RHOT1: variants seen among roughly 807,000 people sequenced by gnomAD.
The protein encoded by RHOT1 is ras homolog family member T1.
RHOT1 carries 27 observed loss-of-function variants against 95.3 expected under a neutral mutation model. The observed-to-expected ratio is 0.28, with a 90% CI of 0.21 to 0.39. RHOT1 has a LOEUF of 0.39. RHOT1 is among the 10% of genes least tolerant of loss of function. The pLI is 1.00. For missense variants in RHOT1, 578 were observed against 786.7 expected (o/e 0.73, Z 3.17); for synonymous variants, 227 against 263.5 (o/e 0.86, Z 1.34).
At chr17:32,145,002 A>G (rs1479682747) in intron 1 of RHOT1, among the ~76,000 whole-genome samples, 2 of 148,072 alleles carry the variant, frequency 1.4e-5, no homozygotes, top group African/African-American at 5.0e-5. Context: ...TAAAGAAAAA[A>G]TTAATTTTTA....
intron 1 of RHOT1, among the ~76,000 whole-genome samples, chr17:32,149,339 A>G (rs1236803441): frequency 1.3e-5 from 2 of 151,282 alleles, no homozygotes; most frequent in East Asian, 1.9e-4. Context: ...GTGTAATTTA[A>G]GAAGAGCTTG....
chr17:32,224,562 T>C (rs1049910665), intron 19 of RHOT1, 54 bp from the exon 20 acceptor site: 1 of 1,256,230 alleles, frequency 8.0e-7, no homozygotes. Flanking sequence ...ATAACTGGTA[T>C]AGGGTTTTCA....
chr17:32,160,139 C>G (rs1469909841), intron 1 of RHOT1: 2 of 152,044 alleles, frequency 1.3e-5, no homozygotes, highest in African/African-American at 4.8e-5. Flanking sequence ...AGAGGAGCTA[C>G]CCTCTCTCCT....
At chr17:32,185,710 T>C (rs1484017386) in intron 8 of RHOT1, among the ~76,000 whole-genome samples, 1 of 110,178 alleles carries the variant, frequency 9.1e-6, no homozygotes, top group Non-Finnish European at 1.7e-5. Context: ...GCCCGGCCTC[T>C]TTTTTTTTTT....
At chr17:32,192,664 CT>C (rs992979598) in intron 9 of RHOT1, among the ~76,000 whole-genome samples, 291 of 129,160 alleles carry the variant, frequency 2.3e-3, no homozygotes, top group Middle Eastern at 8.7e-3. Context: ...ACATGTTTTA[CT>C]TTTTTTTTTT....
intron 1 of RHOT1, among the ~76,000 whole-genome samples, chr17:32,168,182 A>C (rs1191020089): frequency 6.6e-6 from 1 of 152,132 alleles, no homozygotes; most frequent in Non-Finnish European, 1.5e-5. Context: ...AAGAGCTCAG[A>C]TGGAGACGTA....
rs543672797 is a variant in RHOT1, at chr17:32,194,197, C to G, written c.869+90C>G. On this transcript the variant is annotated intron_variant, in intron 11 of 19. Coordinates refer to ENST00000545287, the MANE Select transcript of RHOT1 (RefSeq NM_001033566.3). ...ATGTTTCCCAGGCTGGTCTTGAACT[C>G]CTGAGTCAAGTGATCCTCCCACCTT... The G allele has an allele frequency of 2.2e-6, 3 of 1,371,228 alleles. No homozygotes were observed. In the South Asian group the frequency reaches 3.9e-5, roughly 18 times the overall value. 84.9% of individuals were successfully genotyped at this position (1,371,228 alleles called of 1,614,324 possible).
At chr17:32,149,992 C>G (rs1263339709) in intron 1 of RHOT1, among the ~76,000 whole-genome samples, 1 of 152,078 alleles carries the variant, frequency 6.6e-6, no homozygotes, top group African/African-American at 2.4e-5. Flanking sequence ...CTCAATTGAT[C>G]CACGTGCCTC....
chr17:32,175,408 GTGA>G, intron 4 of RHOT1, 46 bp downstream of exon 4: 1 of 1,521,758 alleles, frequency 6.6e-7, no homozygotes. Flanking sequence ...TAGAAAAACA[GTGA>G]TGATTTTATG....
chr17:32,190,365 G>GTTC (rs2036397489), intron 8 of RHOT1, among the ~76,000 whole-genome samples: 1 of 152,012 alleles, frequency 6.6e-6, no homozygotes, highest in Non-Finnish European at 1.5e-5. Context: ...TGAGGCAGGA[G>GTTC]AATCGCTTGA....
chr17:32,172,446 T>C (rs1027689439), intron 2 of RHOT1, among the ~76,000 whole-genome samples: 5 of 152,248 alleles, frequency 3.3e-5, no homozygotes, highest in Non-Finnish European at 5.9e-5. Flanking sequence ...TTTTTAAAAT[T>C]TAGTTTTTCA....
At chr17:32,206,828 G>T in intron 16 of RHOT1, 82 bp from the exon 17 acceptor site, 1 of 1,005,372 alleles carries the variant, frequency 9.9e-7, no homozygotes, top group Non-Finnish European at 1.4e-6. Context: ...AGGAAGTCCA[G>T]GGAAGGAAGT....
chr17:32,155,010 G>A (rs111526822), intron 1 of RHOT1, among the ~76,000 whole-genome samples: 1,714 of 152,160 alleles, frequency 0.011, 34 homozygotes, highest in African/African-American at 0.039. Flanking sequence ...CCTGGGGCCA[G>A]GAAGTTGAGG....
intron 1 of RHOT1, among the ~76,000 whole-genome samples, chr17:32,164,580 C>T (rs113877620): frequency 1.0e-3 from 154 of 152,036 alleles, no homozygotes; most frequent in African/African-American, 3.7e-3. Flanking sequence ...ATAATACTTA[C>T]TGAGGCTGAA....
chr17:32,225,685 A>G lies in RHOT1; in HGVS notation c.*952A>G, dbSNP rs1419910890. ...TGATAAACCTATTTTTTCCATCATCAGCCTTTTCAAGTATTTAAATAAATA... is the reference window on the plus strand; with the variant it reads ...TGATAAACCTATTTTTTCCATCATCGGCCTTTTCAAGTATTTAAATAAATA... On this transcript the variant is annotated 3_prime_UTR_variant, in exon 20 of 20. Transcript: ENST00000545287. 6.6e-6 allele frequency: 1 copy of G among 152,208 alleles called. No individual in the cohort carries two copies. Among genetic ancestry groups the G allele is most frequent in the Non-Finnish European group, 1.5e-5 (1 of 68,036 alleles). 9.4% of individuals were successfully genotyped at this position (152,208 alleles called of 1,614,324 possible).
chr17:32,172,552 G>A (rs529815909), intron 2 of RHOT1, among the ~76,000 whole-genome samples: 78 of 152,272 alleles, frequency 5.1e-4, no homozygotes, highest in Admixed American at 1.7e-3. Context: ...ATAAGGCTTG[G>A]CTGGGCGCAG....
chr17:32,147,491 A>G (rs548012622), intron 1 of RHOT1, among the ~76,000 whole-genome samples: 13 of 151,906 alleles, frequency 8.6e-5, no homozygotes, highest in African/African-American at 3.1e-4. Context: ...AAAAAAAGCC[A>G]TATTGCTTTC....
At chr17:32,204,139 C>T (rs958630801) in intron 16 of RHOT1, among the ~76,000 whole-genome samples, 166 bp downstream of exon 16, 10 of 152,116 alleles carry the variant, frequency 6.6e-5, no homozygotes, top group African/African-American at 9.6e-5. Flanking sequence ...GTTGCCCTGG[C>T]GAGCTCTTGG....
intron 13 of RHOT1, 38 bp from the exon 14 acceptor site, chr17:32,200,918 T>A (rs775125117): frequency 2.1e-6 from 3 of 1,451,396 alleles, no homozygotes; most frequent in Admixed American, 1.7e-5. Flanking sequence ...AATATTCGTT[T>A]AGGAACTTTT....
Sources: allele counts gnomAD v4.1 joint callset (sites outside exome capture counted in the v4.1 genomes callset), GRCh38; gene constraint gnomAD v4.1.1; transcripts MANE v1.5; gene names NCBI Gene and HGNC (gene_info 2026-07-23, HGNC 2026-07-21).